GREM2: variants seen among roughly 807,000 people sequenced by gnomAD.
The protein encoded by GREM2 is gremlin-2.
GREM2 carries 11 observed loss-of-function variants against 14.2 expected under a neutral mutation model. The ratio of observed to expected loss-of-function variants is 0.78; its 90% CI spans 0.49 to 1.28. The LOEUF (loss-of-function observed/expected upper bound fraction) is 1.28, where lower values mean the gene tolerates loss of function less well. Ranked by LOEUF, GREM2 falls within the 50% of genes most tolerant of loss-of-function variation. The pLI, the probability that GREM2 is intolerant of heterozygous loss-of-function variation, is 0.00. For synonymous variants in GREM2, 98 were observed against 97.6 expected, an observed-to-expected ratio of 1.00 and a Z score of -0.02; for missense variants, 210 against 218.5, an observed-to-expected ratio of 0.96 and a Z score of 0.24.
Position 240,527,174 on chromosome 1 carries a change from T to C in GREM2, c.-1-33698A>G, listed in dbSNP as rs572862062. On this transcript the variant is annotated intron_variant, in intron 1 of 1. Coordinates refer to ENST00000318160, the MANE Select transcript of GREM2 (RefSeq NM_022469.4). ...CTTTTCTAGATCTGGTGGTATGTTTTCTACTTATCTCAGCAGCCCAGATAT... is the reference window on the plus strand; with the variant it reads ...CTTTTCTAGATCTGGTGGTATGTTTCCTACTTATCTCAGCAGCCCAGATAT... 1.6e-4 allele frequency among the ~76,000 whole-genome samples: 25 copies of C among 152,338 alleles called. No homozygotes were observed. In the Middle Eastern group the frequency reaches 0.01, roughly 62 times the overall value.
chr1:240,585,216 T>TGAAG (rs899819413), intron 1 of GREM2, among the ~76,000 whole-genome samples: 5 of 151,842 alleles, frequency 3.3e-5, no homozygotes, highest in Non-Finnish European at 7.4e-5. Flanking sequence ...AAGACTAGTG[T>TGAAG]GAAGGAAGGA....
At chr1:240,586,823 C>T (rs1453973979) in intron 1 of GREM2, among the ~76,000 whole-genome samples, 1 of 152,154 alleles carries the variant, frequency 6.6e-6, no homozygotes, top group Non-Finnish European at 1.5e-5. Context: ...GTGACTTTGG[C>T]AAAGAAACTG....
At chr1:240,611,571 A>G (rs563930119) in intron 1 of GREM2, among the ~76,000 whole-genome samples, 9 of 152,320 alleles carry the variant, frequency 5.9e-5, no homozygotes, top group African/African-American at 2.2e-4. Context: ...GCGGTCACCA[A>G]GAGGTATTTA....
intron 1 of GREM2, among the ~76,000 whole-genome samples, chr1:240,537,432 A>G (rs1235727972): frequency 6.6e-6 from 1 of 152,170 alleles, no homozygotes; most frequent in African/African-American, 2.4e-5. Flanking sequence ...TAAGAAGTGT[A>G]GTAGATGCAA....
intron 1 of GREM2, among the ~76,000 whole-genome samples, chr1:240,538,236 G>T (rs1678516668): frequency 6.6e-6 from 1 of 152,152 alleles, no homozygotes; most frequent in South Asian, 2.1e-4. Context: ...TATGACTGGT[G>T]GCTTTGTCTT....
chr1:240,593,209 T>C (rs898201038), intron 1 of GREM2, among the ~76,000 whole-genome samples: 1 of 152,096 alleles, frequency 6.6e-6, no homozygotes, highest in Admixed American at 6.5e-5. Context: ...CCATCTCAAA[T>C]GTCATCTCCT....
chr1:240,520,547 T>G (rs1678060655), intron 1 of GREM2, among the ~76,000 whole-genome samples: 1 of 152,096 alleles, frequency 6.6e-6, no homozygotes, highest in Non-Finnish European at 1.5e-5. Flanking sequence ...GTGCAGAAAC[T>G]TTTTCTTTTT....
intron 1 of GREM2, among the ~76,000 whole-genome samples, chr1:240,513,575 C>CA (rs5782148): frequency 0.098 from 10,891 of 110,798 alleles, 587 homozygotes; most frequent in Middle Eastern, 0.21. Flanking sequence ...ACTCCATCTA[C>CA]AAAAAAAAAA....
At chr1:240,575,603 C>A (rs1052065380) in intron 1 of GREM2, among the ~76,000 whole-genome samples, 1 of 151,746 alleles carries the variant, frequency 6.6e-6, no homozygotes, top group East Asian at 1.9e-4. Flanking sequence ...TCACTGCAAT[C>A]TCCGCCTCCC....
chr1:240,591,944 G>A (rs10495472), intron 1 of GREM2, among the ~76,000 whole-genome samples: 15,032 of 152,128 alleles, frequency 0.099, 849 homozygotes, highest in African/African-American at 0.16. Flanking sequence ...GGTTTGAATA[G>A]GTTTTTCAGA....
intron 1 of GREM2, among the ~76,000 whole-genome samples, chr1:240,502,127 G>T (rs1209517356): frequency 1.3e-5 from 2 of 152,048 alleles, no homozygotes; most frequent in Non-Finnish European, 2.9e-5. Flanking sequence ...ACTTCCCTCG[G>T]AGCAGAGTAT....
intron 1 of GREM2, among the ~76,000 whole-genome samples, chr1:240,553,212 C>G (rs1320589): frequency 1.3e-5 from 2 of 152,158 alleles, no homozygotes; most frequent in Non-Finnish European, 1.5e-5. Flanking sequence ...TTATCGAGAG[C>G]GTTAGCATGA....
At chr1:240,539,650 T>A (rs761687607) in intron 1 of GREM2, among the ~76,000 whole-genome samples, 1 of 152,176 alleles carries the variant, frequency 6.6e-6, no homozygotes, top group Non-Finnish European at 1.5e-5. Context: ...ATAATCCATA[T>A]ACACATGAAG....
intron 1 of GREM2, among the ~76,000 whole-genome samples, chr1:240,571,944 TTCTGACTGCCA>T (rs1679270497): frequency 6.6e-6 from 1 of 152,158 alleles, no homozygotes; most frequent in South Asian, 2.1e-4. Context: ...TTCGGAGACA[TTCTGACTGCCA>T]GGACCAGCCA....
intron 1 of GREM2, among the ~76,000 whole-genome samples, chr1:240,549,065 G>A (rs781373835): frequency 1.3e-5 from 2 of 152,132 alleles, no homozygotes; most frequent in Non-Finnish European, 2.9e-5. Flanking sequence ...GGCTAGGCTC[G>A]GTGGATCATG....
intron 1 of GREM2, among the ~76,000 whole-genome samples, chr1:240,532,871 A>G (rs191574760): frequency 7.0e-4 from 107 of 152,374 alleles, no homozygotes; most frequent in African/African-American, 2.4e-3. Flanking sequence ...TTTACTGGCT[A>G]TAGCATTCTG....
In GREM2 at chr1:240,491,007, G is replaced by A. The variant is rs917252797; in HGVS notation, c.*1962C>T. 2 of 152,118 alleles carry A rather than the reference G, an allele frequency of 1.3e-5. No homozygotes were observed. Among genetic ancestry groups the A allele is most frequent in the Non-Finnish European group, 2.9e-5 (2 of 68,062 alleles). 9.4% of individuals were successfully genotyped at this position (152,118 alleles called of 1,614,324 possible). ...CTCTCCATTTTCGCTCTATCCTCAG[G>A]TTCCAGCCCTCAAGGATTTCTTTTG... On this transcript the variant is annotated 3_prime_UTR_variant, in exon 2 of 2. Transcript: ENST00000318160.
intron 1 of GREM2, among the ~76,000 whole-genome samples, chr1:240,553,558 T>C (rs530372695): frequency 6.6e-6 from 1 of 152,320 alleles, no homozygotes; most frequent in Admixed American, 6.5e-5. Context: ...TTAACAATCA[T>C]AGAGAAGCTC....
chr1:240,573,050 T>G (rs1239494379), intron 1 of GREM2, among the ~76,000 whole-genome samples: 1 of 152,196 alleles, frequency 6.6e-6, no homozygotes, highest in Non-Finnish European at 1.5e-5. Flanking sequence ...GGCAGTTGGC[T>G]TCCACTCAAA....
Sources: allele counts gnomAD v4.1 joint callset (sites outside exome capture counted in the v4.1 genomes callset), GRCh38; gene constraint gnomAD v4.1.1; transcripts MANE v1.5; gene names NCBI Gene and HGNC (gene_info 2026-07-23, HGNC 2026-07-21).